The following VWA3B variants were observed in gnomAD, a reference collection of about 807,000 sequenced individuals.
VWA3B encodes the protein von Willebrand factor A domain-containing protein 3B.
In VWA3B, 138 loss-of-function variants were observed where a neutral mutation model predicts 158.3. The ratio of observed to expected loss-of-function variants is 0.87; its 90% CI spans 0.76 to 1.00. The LOEUF (loss-of-function observed/expected upper bound fraction) is 1.00, where lower values mean the gene tolerates loss of function less well. Among genes scored for constraint, VWA3B ranks in the 50% least tolerant of loss-of-function variants. VWA3B has a pLI of 0.00. For missense variants in VWA3B, 1,555 were observed against 1,565.1 expected (o/e 0.99, Z 0.11); for synonymous variants, 596 against 587.3 (o/e 1.01, Z -0.21).
chr2:98,217,075 G>T (rs947016138), intron 13 of VWA3B: 2 of 980,918 alleles, frequency 2.0e-6, no homozygotes, highest in Non-Finnish European at 2.7e-6. Flanking sequence ...TGGGCAGAGG[G>T]TGGGGGTTCC....
rs188290426 is a variant in VWA3B at position 98,189,895 on chromosome 2, T to A, written c.1466+1766T>A. ...AACCGCCCTACATTATTTTTATTAT[T>A]CTTTTTTTCTATCATTTCATCTTTA... On this transcript the variant is annotated intron_variant, in intron 10 of 27. Transcript: ENST00000477737. 2.6e-5 allele frequency among the ~76,000 whole-genome samples: 4 copies of A among 152,278 alleles called. No individual in the cohort carries two copies. The East Asian group carries it at 7.7e-4, about 29-fold the overall frequency.
intron 19 of VWA3B, among the ~76,000 whole-genome samples, chr2:98,244,459 C>G (rs1454555561): frequency 6.6e-6 from 1 of 152,058 alleles, no homozygotes; most frequent in African/African-American, 2.4e-5. Context: ...TCACATTATT[C>G]ATATGTTTAG....
At chr2:98,223,368 A>G (rs990492143) in intron 14 of VWA3B, among the ~76,000 whole-genome samples, 1 of 151,886 alleles carries the variant, frequency 6.6e-6, no homozygotes, top group African/African-American at 2.4e-5. Flanking sequence ...AATATCCAGC[A>G]TTAGTATCAT....
At chr2:98,218,161 C>T (rs1684194081) in intron 14 of VWA3B, 133 bp downstream of exon 14, 2 of 987,184 alleles carry the variant, frequency 2.0e-6, no homozygotes, top group African/African-American at 3.3e-5. Flanking sequence ...AGTCGCTTAA[C>T]AATGAGTGTA....
intron 19 of VWA3B, among the ~76,000 whole-genome samples, chr2:98,243,645 A>G (rs1485156900): frequency 1.3e-5 from 2 of 152,114 alleles, no homozygotes; most frequent in African/African-American, 4.8e-5. Flanking sequence ...ACTTAGTAAC[A>G]TACTCTCATG....
At chr2:98,164,561 T>C (rs1351409064) in intron 8 of VWA3B, among the ~76,000 whole-genome samples, 1 of 152,204 alleles carries the variant, frequency 6.6e-6, no homozygotes, top group African/African-American at 2.4e-5. Flanking sequence ...GATTAAGTCA[T>C]TGGCCATGGT....
intron 24 of VWA3B, among the ~76,000 whole-genome samples, chr2:98,299,484 A>G (rs1690045648): frequency 6.6e-6 from 1 of 152,146 alleles, no homozygotes; most frequent in South Asian, 2.1e-4. Flanking sequence ...GCGCTGGAGG[A>G]GGAATTGGAG....
chr2:98,313,237 A>G lies in VWA3B; in HGVS notation c.*888A>G, dbSNP rs1253173553. On this transcript the variant is annotated 3_prime_UTR_variant, in exon 28 of 28. Transcript: ENST00000477737. ...ACATTCCTGAAAGCTAGGAGTAGCC[A>G]GGGTTATGGTGAAGAAATTAAAGAA... 2 of 152,102 alleles carry G rather than the reference A, an allele frequency of 1.3e-5. No homozygotes were observed. The highest frequency in any genetic ancestry group is 2.9e-5 in the Non-Finnish European group (2 of 68,006). The allele number at this position is 152,102 out of a possible 1,614,324, so 9.4% of individuals were successfully genotyped here.
At chr2:98,116,812 A>G (rs952397057) in intron 3 of VWA3B, among the ~76,000 whole-genome samples, 1 of 152,244 alleles carries the variant, frequency 6.6e-6, no homozygotes, top group African/African-American at 2.4e-5. Context: ...TGTGTAAGGC[A>G]TCATGCCTGC....
At chr2:98,293,594 A>G (rs972663272) in intron 23 of VWA3B, among the ~76,000 whole-genome samples, 61 of 152,326 alleles carry the variant, frequency 4.0e-4, no homozygotes, top group Admixed American at 4.6e-4. Flanking sequence ...ACATTTGGTC[A>G]CATTTTATCA....
chr2:98,273,682 C>T (rs894471985), intron 22 of VWA3B, among the ~76,000 whole-genome samples: 1 of 152,272 alleles, frequency 6.6e-6, no homozygotes, highest in African/African-American at 2.4e-5. Context: ...CTATTCGAAG[C>T]ACTGGGAGTA....
At chr2:98,221,295 G>A (rs1348153863) in intron 14 of VWA3B, among the ~76,000 whole-genome samples, 5 of 152,128 alleles carry the variant, frequency 3.3e-5, no homozygotes, top group Non-Finnish European at 7.4e-5. Flanking sequence ...AAAGCTCCAC[G>A]AAAAGCCTGT....
At chr2:98,161,362 T>G (rs574477093) in intron 7 of VWA3B, among the ~76,000 whole-genome samples, 1 of 152,322 alleles carries the variant, frequency 6.6e-6, no homozygotes, top group Admixed American at 6.5e-5. Flanking sequence ...TGGCAGTGGC[T>G]AAGTAATGAA....
At chr2:98,151,518 G>T (rs1677633933) in intron 7 of VWA3B, among the ~76,000 whole-genome samples, 1 of 152,128 alleles carries the variant, frequency 6.6e-6, no homozygotes, top group African/African-American at 2.4e-5. Context: ...CCAGTCACAT[G>T]TTCATGTCCT....
At chr2:98,160,151 G>A (rs1678453390) in intron 7 of VWA3B, among the ~76,000 whole-genome samples, 1 of 152,066 alleles carries the variant, frequency 6.6e-6, no homozygotes. Context: ...ATCCCCAATG[G>A]GGCTCTGTCC....
chr2:98,207,421 C>A (rs1683116881), intron 12 of VWA3B: 1 of 474,388 alleles, frequency 2.1e-6, no homozygotes, highest in South Asian at 1.6e-5. Context: ...GCAAAAGATT[C>A]TGCATGGCTA....
chr2:98,205,549 T>C (rs952487574), intron 12 of VWA3B, among the ~76,000 whole-genome samples: 2 of 152,196 alleles, frequency 1.3e-5, no homozygotes, highest in African/African-American at 4.8e-5. Context: ...ATTTACTTCT[T>C]TCTGCCTGCT....
At chr2:98,277,257 C>T (rs1688579623) in intron 22 of VWA3B, among the ~76,000 whole-genome samples, 1 of 152,152 alleles carries the variant, frequency 6.6e-6, no homozygotes, top group African/African-American at 2.4e-5. Flanking sequence ...TGAAAACTCC[C>T]CTCCCTAGCA....
intron 7 of VWA3B, among the ~76,000 whole-genome samples, chr2:98,147,640 ATTTTC>A (rs1677272499): frequency 6.6e-6 from 1 of 151,782 alleles, no homozygotes. Context: ...GGTAATTTCA[ATTTTC>A]TTTTGCTATC....
Sources: gnomAD v4.1 joint callset for allele counts (sites outside exome capture counted in the v4.1 genomes callset) on GRCh38, gnomAD v4.1.1 for gene constraint, MANE v1.5 for transcripts, NCBI Gene and HGNC (gene_info 2026-07-23, HGNC 2026-07-21) for gene names.